CACUL1: variants seen among roughly 807,000 people sequenced by gnomAD.
CACUL1 encodes CDK2-associated and cullin domain-containing protein 1.
In CACUL1, 13 loss-of-function variants were observed where a neutral mutation model predicts 45.2. The observed-to-expected ratio is 0.29, with a 90% CI of 0.19 to 0.46. The LOEUF (loss-of-function observed/expected upper bound fraction) is 0.46. Ranked by LOEUF, CACUL1 falls within the 20% of genes least tolerant of loss-of-function variation. The probability of loss-of-function intolerance (pLI) is 1.00; values close to 1 mark genes in which losing one functional copy is unlikely to be tolerated. For synonymous variants in CACUL1, 197 were observed against 174.2 expected, an observed-to-expected ratio of 1.13 and a Z score of -1.03; for missense variants, 421 against 471.4, an observed-to-expected ratio of 0.89 and a Z score of 0.99.
Position 118,686,038 on chromosome 10 carries a change from G to T in CACUL1, c.*90C>A. ...AACAGCTTTGTGACAGAGCTCCTGAGTGTGTGCAGCCCCCACTGTGCTCTG... is the reference window on the plus strand; with the variant it reads ...AACAGCTTTGTGACAGAGCTCCTGATTGTGTGCAGCCCCCACTGTGCTCTG... On this transcript the variant is annotated 3_prime_UTR_variant, in exon 9 of 9. Transcript: ENST00000369151. 1 of 847,610 alleles carries T rather than the reference G, an allele frequency of 1.2e-6. No individual in the cohort carries two copies. Among genetic ancestry groups the T allele is most frequent in the Non-Finnish European group, 1.9e-6 (1 of 514,042 alleles). The allele number at this position is 847,610 out of a possible 1,614,324, so 52.5% of individuals were successfully genotyped here.
intron 5 of CACUL1, 116 bp from the exon 6 acceptor site, chr10:118,695,346 C>T: frequency 3.1e-6 from 2 of 647,076 alleles, no homozygotes; most frequent in Non-Finnish European, 5.7e-6. Flanking sequence ...AAGGAACAGT[C>T]CAATAAACCA....
At chr10:118,694,904 ATT>A (rs1407279534) in intron 6 of CACUL1, 1 of 358,938 alleles carries the variant, frequency 2.8e-6, no homozygotes, top group Non-Finnish European at 5.3e-6. Flanking sequence ...CCTACAATTT[ATT>A]TCTTGTATTT....
intron 2 of CACUL1, 79 bp downstream of exon 2, chr10:118,730,203 CAT>C (rs1396289106): frequency 7.2e-7 from 1 of 1,396,134 alleles, no homozygotes; most frequent in East Asian, 2.3e-5. Flanking sequence ...TTCTACATTA[CAT>C]GTTTGTGTGA....
intron 4 of CACUL1, among the ~76,000 whole-genome samples, chr10:118,703,395 T>C (rs920100489): frequency 2.6e-5 from 4 of 152,164 alleles, no homozygotes; most frequent in Non-Finnish European, 5.9e-5. Context: ...TCTTGGAAGA[T>C]TTTTCTCTAA....
intron 5 of CACUL1, among the ~76,000 whole-genome samples, chr10:118,699,368 C>A (rs1325541004): frequency 6.6e-6 from 1 of 152,190 alleles, no homozygotes; most frequent in Non-Finnish European, 1.5e-5. Flanking sequence ...GAAAACCGGA[C>A]AACATGATTA....
intron 3 of CACUL1, among the ~76,000 whole-genome samples, chr10:118,715,462 T>C (rs1845533020): frequency 6.6e-6 from 1 of 152,342 alleles, no homozygotes; most frequent in South Asian, 2.1e-4. Flanking sequence ...ATCATGTGGG[T>C]CAGTACTGCC....
chr10:118,741,244 T>C (rs1845790228), intron 1 of CACUL1, among the ~76,000 whole-genome samples: 1 of 152,192 alleles, frequency 6.6e-6, no homozygotes, highest in Non-Finnish European at 1.5e-5. Flanking sequence ...AAGAGCAAAG[T>C]ACTGTTTTTG....
intron 3 of CACUL1, among the ~76,000 whole-genome samples, chr10:118,718,709 G>A (rs917304495): frequency 1.3e-5 from 2 of 152,104 alleles, no homozygotes; most frequent in Non-Finnish European, 2.9e-5. Context: ...AAGTACCTGG[G>A]CCTATAGGCG....
intron 6 of CACUL1, among the ~76,000 whole-genome samples, chr10:118,691,995 A>G (rs983328417): frequency 3.9e-5 from 6 of 152,248 alleles, no homozygotes; most frequent in South Asian, 2.1e-4. Flanking sequence ...ACAGAAAATT[A>G]TAAGTATGGA....
chr10:118,751,923 TAG>T (rs1487879280), intron 1 of CACUL1, among the ~76,000 whole-genome samples: 8 of 152,208 alleles, frequency 5.3e-5, no homozygotes, highest in Non-Finnish European at 1.2e-4. Flanking sequence ...CTAGAGACTT[TAG>T]AGTTTTGTTG....
chr10:118,702,676 G>A lies in CACUL1; in HGVS notation c.694-1268C>T, dbSNP rs567438196. On this transcript the variant is annotated intron_variant, in intron 4 of 8. Coordinates refer to ENST00000369151, the MANE Select transcript of CACUL1 (RefSeq NM_153810.5). ...CACTCACTGCAACCTCTGCTTCCCC[G>A]GTTCAAATGATTCTCCTGTCTCAGC... Among the ~76,000 whole-genome samples, 11 of 151,342 alleles carry A rather than the reference G, an allele frequency of 7.3e-5. No individual in the cohort carries two copies. The East Asian group carries it at 1.4e-3, about 19-fold the overall frequency.
intron 1 of CACUL1, among the ~76,000 whole-genome samples, chr10:118,744,802 C>T (rs1398126054): frequency 6.6e-6 from 1 of 151,998 alleles, no homozygotes; most frequent in Non-Finnish European, 1.5e-5. Flanking sequence ...ATTATAGGCG[C>T]ACACCACTAC....
chr10:118,692,038 G>A (rs1216024031), intron 6 of CACUL1, among the ~76,000 whole-genome samples: 1 of 152,026 alleles, frequency 6.6e-6, no homozygotes. Context: ...AAACAATTCT[G>A]AGTGGGAGGG....
chr10:118,704,609 ATCTACCCTT>A (rs1481647804), intron 4 of CACUL1, among the ~76,000 whole-genome samples: 26 of 152,212 alleles, frequency 1.7e-4, no homozygotes, highest in African/African-American at 6.3e-4. Flanking sequence ...TTTTACATAT[ATCTACCCTT>A]TCTTAATTGG....
At chr10:118,720,264 C>T (rs1202213804) in intron 3 of CACUL1, among the ~76,000 whole-genome samples, 1 of 152,114 alleles carries the variant, frequency 6.6e-6, no homozygotes, top group African/African-American at 2.4e-5. Flanking sequence ...TTTAAAGTAA[C>T]TGGCTAGGTG....
intron 3 of CACUL1, among the ~76,000 whole-genome samples, chr10:118,727,710 A>G (rs912871623): frequency 1.3e-5 from 2 of 152,204 alleles, no homozygotes; most frequent in Non-Finnish European, 2.9e-5. Context: ...CATCAATCAA[A>G]AACTGGTTAA....
chr10:118,735,495 G>T (rs1326193141), intron 1 of CACUL1, among the ~76,000 whole-genome samples: 3 of 152,178 alleles, frequency 2.0e-5, no homozygotes, highest in Non-Finnish European at 4.4e-5. Context: ...AGGGGTGGGT[G>T]GAACCCAGGA....
At chr10:118,738,120 G>A (rs1263207235) in intron 1 of CACUL1, among the ~76,000 whole-genome samples, 1 of 152,238 alleles carries the variant, frequency 6.6e-6, no homozygotes, top group Non-Finnish European at 1.5e-5. Flanking sequence ...TGCTGAGGTG[G>A]ATACCAATGG....
intron 3 of CACUL1, among the ~76,000 whole-genome samples, chr10:118,722,534 G>C (rs899752371): frequency 6.6e-6 from 1 of 152,132 alleles, no homozygotes; most frequent in African/African-American, 2.4e-5. Flanking sequence ...CTATCCATCT[G>C]TCAGACACTT....
Sources: gnomAD v4.1 joint callset for allele counts (sites outside exome capture counted in the v4.1 genomes callset) on GRCh38, gnomAD v4.1.1 for gene constraint, MANE v1.5 for transcripts, NCBI Gene and HGNC (gene_info 2026-07-23, HGNC 2026-07-21) for gene names.